LRFN2: variants seen among roughly 807,000 people sequenced by gnomAD.
The protein encoded by LRFN2 is leucine-rich repeat and fibronectin type-III domain-containing protein 2.
LRFN2 carries 18 observed loss-of-function variants against 37.3 expected under a neutral mutation model. The observed-to-expected ratio is 0.48, with a 90% CI of 0.33 to 0.72. The LOEUF (loss-of-function observed/expected upper bound fraction) is 0.72. LRFN2 is among the 30% of genes least tolerant of loss of function. The pLI, the probability that LRFN2 is intolerant of heterozygous loss-of-function variation, is 0.02. For missense variants in LRFN2, 1,006 were observed against 1,060.7 expected, an observed-to-expected ratio of 0.95 and a Z score of 0.72; for synonymous variants, 556 against 466.6, an observed-to-expected ratio of 1.19 and a Z score of -2.47.
At chr6:40,521,045 A>C (rs575991690) in intron 1 of LRFN2, among the ~76,000 whole-genome samples, 1 of 152,204 alleles carries the variant, frequency 6.6e-6, no homozygotes, top group African/African-American at 2.4e-5. Flanking sequence ...TCCTTCCTTC[A>C]AAGGCATGGG....
chr6:40,443,638 T>C (rs1763896857), intron 1 of LRFN2, among the ~76,000 whole-genome samples: 3 of 152,126 alleles, frequency 2.0e-5, no homozygotes, highest in Admixed American at 6.5e-5. Context: ...CTGTCCTCTG[T>C]CCCTGCAGTT....
At chr6:40,483,253 C>T (rs1316893952) in intron 1 of LRFN2, among the ~76,000 whole-genome samples, 1 of 152,278 alleles carries the variant, frequency 6.6e-6, no homozygotes, top group Non-Finnish European at 1.5e-5. Flanking sequence ...TCCCATCTCT[C>T]TGCTTTTCAT....
intron 1 of LRFN2, among the ~76,000 whole-genome samples, chr6:40,436,468 C>G (rs1301956256): frequency 6.6e-6 from 1 of 151,736 alleles, no homozygotes; most frequent in Non-Finnish European, 1.5e-5. Context: ...AAAGAGTTTG[C>G]TGACCTCTGT....
At chr6:40,574,822 A>T (rs896994835) in intron 1 of LRFN2, among the ~76,000 whole-genome samples, 1 of 152,186 alleles carries the variant, frequency 6.6e-6, no homozygotes, top group Non-Finnish European at 1.5e-5. Flanking sequence ...CACTCTGCCA[A>T]GGATGGCTCC....
chr6:40,586,681 G>T (rs1320627587), intron 1 of LRFN2, among the ~76,000 whole-genome samples: 6 of 152,168 alleles, frequency 3.9e-5, no homozygotes, highest in African/African-American at 1.2e-4. Flanking sequence ...AGTCTCACAT[G>T]GACCCGGCTC....
rs114267536 is a variant in LRFN2, at chr6:40,493,795, G to C, written c.-18-60664C>G. On this transcript the variant is annotated intron_variant, in intron 1 of 2. Coordinates refer to ENST00000338305, the MANE Select transcript of LRFN2 (RefSeq NM_020737.3). ...AACTTCCAGCTTGTAGGTCAATCCT[G>C]CCTTATCCCCATCAAGCCAGGCTCT... 2.9e-3 allele frequency among the ~76,000 whole-genome samples: 435 copies of C among 152,282 alleles called. 2 individuals are homozygous for C. Among genetic ancestry groups the C allele is most frequent in the African/African-American group, 0.01 (418 of 41,548 alleles).
At chr6:40,414,387 T>G (rs923440800) in intron 2 of LRFN2, among the ~76,000 whole-genome samples, 1 of 151,338 alleles carries the variant, frequency 6.6e-6, no homozygotes, top group Non-Finnish European at 1.5e-5. Context: ...AGTTCCCCCC[T>G]CCTCCCCGCC....
Position 40,526,518 on chromosome 6 carries a change from C to A in LRFN2, c.-19+60423G>T, listed in dbSNP as rs115240695. Among the ~76,000 whole-genome samples the A allele has an allele frequency of 4.3e-3, 657 of 152,290 alleles. 4 individuals are homozygous for A. Among genetic ancestry groups the A allele is most frequent in the African/African-American group, 0.015 (608 of 41,554 alleles). ...GTCTTTAGCACACCAGTTCTCCACA[C>A]CTGCATGACGTTCTCTCCCCTGCCC... On this transcript the variant is annotated intron_variant, in intron 1 of 2. Transcript: ENST00000338305.
chr6:40,454,463 A>G (rs1279928539), intron 1 of LRFN2, among the ~76,000 whole-genome samples: 1 of 152,168 alleles, frequency 6.6e-6, no homozygotes, highest in Non-Finnish European at 1.5e-5. Context: ...CACAGCAGAG[A>G]AGGGCTGTCT....
chr6:40,492,333 C>T (rs1353767989), intron 1 of LRFN2, among the ~76,000 whole-genome samples: 1 of 152,132 alleles, frequency 6.6e-6, no homozygotes, highest in Non-Finnish European at 1.5e-5. Context: ...CCTTCCTGCT[C>T]GGCTGTCCCC....
chr6:40,448,788 G>A (rs1764033547), intron 1 of LRFN2, among the ~76,000 whole-genome samples: 1 of 152,232 alleles, frequency 6.6e-6, no homozygotes, highest in Non-Finnish European at 1.5e-5. Context: ...AACCAAGGAA[G>A]CTGAACACTT....
chr6:40,444,974 C>A (rs1282758203), intron 1 of LRFN2, among the ~76,000 whole-genome samples: 1 of 151,926 alleles, frequency 6.6e-6, no homozygotes, highest in East Asian at 1.9e-4. Flanking sequence ...ACATTGCAGT[C>A]AAGCCCTCCC....
At chr6:40,461,681 G>A (rs1764352322) in intron 1 of LRFN2, among the ~76,000 whole-genome samples, 1 of 148,920 alleles carries the variant, frequency 6.7e-6, no homozygotes, top group Non-Finnish European at 1.5e-5. Context: ...ATATCAGAAG[G>A]TGGTAAGTGC....
At chr6:40,543,090 G>A (rs947620826) in intron 1 of LRFN2, among the ~76,000 whole-genome samples, 1 of 152,256 alleles carries the variant, frequency 6.6e-6, no homozygotes, top group African/African-American at 2.4e-5. Context: ...AGCTCCAGAA[G>A]CTGTGATATT....
At chr6:40,509,739 A>C (rs886739439) in intron 1 of LRFN2, among the ~76,000 whole-genome samples, 1 of 149,966 alleles carries the variant, frequency 6.7e-6, no homozygotes, top group South Asian at 2.1e-4. Flanking sequence ...AGCTGAGTGC[A>C]TGCATGCAGG....
chr6:40,429,354 T>TC (rs1219263803), intron 2 of LRFN2, among the ~76,000 whole-genome samples: 1 of 152,192 alleles, frequency 6.6e-6, no homozygotes, highest in Non-Finnish European at 1.5e-5. Flanking sequence ...ACATCTTCTC[T>TC]CCCCCTCACG....
At chr6:40,440,082 C>A (rs1182968918) in intron 1 of LRFN2, among the ~76,000 whole-genome samples, 5 of 151,892 alleles carry the variant, frequency 3.3e-5, no homozygotes, top group Non-Finnish European at 5.9e-5. Context: ...CTCCAAACTT[C>A]TTCATAAACC....
intron 1 of LRFN2, among the ~76,000 whole-genome samples, chr6:40,495,573 A>G (rs142035973): frequency 6.2e-4 from 94 of 152,222 alleles, no homozygotes; most frequent in African/African-American, 2.0e-3. Flanking sequence ...CACTCTCCTC[A>G]TGGCCATCCA....
intron 1 of LRFN2, among the ~76,000 whole-genome samples, chr6:40,460,736 A>G (rs75306921): frequency 0.016 from 2,415 of 152,234 alleles, 74 homozygotes; most frequent in African/African-American, 0.055. Context: ...CCCCCTCCAT[A>G]GCCCCTGGGA....
Sources: gnomAD v4.1 joint callset for allele counts (sites outside exome capture counted in the v4.1 genomes callset) on GRCh38, gnomAD v4.1.1 for gene constraint, MANE v1.5 for transcripts, NCBI Gene and HGNC (gene_info 2026-07-23, HGNC 2026-07-21) for gene names.